TECPR2: variants seen among roughly 807,000 people sequenced by gnomAD.
TECPR2 encodes tectonin beta-propeller repeat-containing protein 2.
TECPR2 carries 65 observed loss-of-function variants against 138.1 expected under a neutral mutation model. The observed-to-expected ratio is 0.47, with a 90% CI of 0.39 to 0.58. TECPR2 has a LOEUF of 0.58. Among genes scored for constraint, TECPR2 ranks in the 20% least tolerant of loss-of-function variants. TECPR2 has a pLI of 0.00. For missense variants in TECPR2, 1,553 were observed against 1,824.5 expected (o/e 0.85, Z 2.71); for synonymous variants, 746 against 749.8 (o/e 0.99, Z 0.08).
intron 17 of TECPR2, among the ~76,000 whole-genome samples, chr14:102,489,912 T>G: frequency 6.6e-6 from 1 of 151,722 alleles, no homozygotes; most frequent in East Asian, 1.9e-4. Context: ...GGAGTTCTTT[T>G]GCCTCCAAAG....
At position 102,431,859 on chromosome 14, in the gene TECPR2, T is replaced by G; in HGVS notation, c.1148T>G (p.Leu383Arg). Residue 383 changes from leucine to arginine, a missense_variant, in exon 8 of 20, where the codon CTG becomes CGG. By Grantham distance (102) the Leu-to-Arg change is moderately radical. Coordinates refer to ENST00000359520, the MANE Select transcript of TECPR2 (RefSeq NM_014844.5). ...ERVHVQQAEK[L>R]PGATVSETRL... ...GTCCACGTGCAGCAAGCGGAGAAGC[T>G]GCCAGGGGCCACAGTTTCTGAGACG... 8 of 1,601,144 alleles carry G rather than the reference T, an allele frequency of 5.0e-6. No homozygotes were observed. The highest frequency in any genetic ancestry group is 6.8e-6 in the Non-Finnish European group (8 of 1,169,404).
intron 2 of TECPR2, among the ~76,000 whole-genome samples, chr14:102,401,299 T>C (rs1407748930): frequency 6.6e-6 from 1 of 151,096 alleles, no homozygotes; most frequent in African/African-American, 2.4e-5. Flanking sequence ...ATTAGCTGGG[T>C]GTAGTGGTGC....
chr14:102,426,014 A>G (rs1189971096), intron 6 of TECPR2, among the ~76,000 whole-genome samples: 2 of 149,624 alleles, frequency 1.3e-5, no homozygotes, highest in African/African-American at 2.5e-5. Context: ...CCTCCCAAGT[A>G]GCTGGGATTA....
chr14:102,367,168 T>A (rs1054907438), intron 1 of TECPR2, among the ~76,000 whole-genome samples: 3 of 152,142 alleles, frequency 2.0e-5, no homozygotes, highest in Non-Finnish European at 4.4e-5. Context: ...GGGCAACCAG[T>A]GAGGAGTTTT....
At chr14:102,450,470 G>C (rs1890109140) in intron 14 of TECPR2, 90 bp from the exon 15 acceptor site, 1 of 1,280,540 alleles carries the variant, frequency 7.8e-7, no homozygotes, top group South Asian at 1.3e-5. Flanking sequence ...GAAAGGGTTT[G>C]AAGGCCAGCT....
chr14:102,465,401 G>C, intron 17 of TECPR2, 112 bp downstream of exon 17: 1 of 1,468,174 alleles, frequency 6.8e-7, no homozygotes, highest in Non-Finnish European at 9.0e-7. Flanking sequence ...CAGCAAATGC[G>C]GGGAGCCATG....
rs1889381426 is a variant in TECPR2 at position 102,428,239 on chromosome 14, T to G, written c.952-11T>G. ...TGTTTTTTGTTTTTTTTTTTTTTTT[T>G]TTTTTGACAGGCCACAGTTGCTGGT... is the stretch of plus-strand genomic sequence containing the variant. On this transcript the variant is annotated splice_polypyrimidine_tract_variant and intron_variant, in intron 6 of 19. Coordinates refer to ENST00000359520, the MANE Select transcript of TECPR2 (RefSeq NM_014844.5). 1 of 1,404,582 alleles carries G rather than the reference T, an allele frequency of 7.1e-7. No individual in the cohort carries two copies. Among genetic ancestry groups the G allele is most frequent in the Admixed American group, 3.3e-5 (1 of 30,386 alleles). The allele number at this position is 1,404,582 out of a possible 1,614,324, so 87.0% of individuals were successfully genotyped here. A position where few individuals can be genotyped will look rare whatever the true frequency, so the allele number is the denominator to read the frequency against.
At chr14:102,375,431 A>G (rs1184802472) in intron 1 of TECPR2, among the ~76,000 whole-genome samples, 1 of 152,168 alleles carries the variant, frequency 6.6e-6, no homozygotes. Context: ...AGGAGAAATC[A>G]AGTACGGCCT....
chr14:102,407,243 G>A, intron 2 of TECPR2, 95 bp from the exon 3 acceptor site: 1 of 1,444,984 alleles, frequency 6.9e-7, no homozygotes, highest in East Asian at 2.5e-5. Context: ...ACTGCAGCCT[G>A]ATGAAGTTTT....
At chr14:102,492,086 A>G (rs1891171495) in intron 17 of TECPR2, among the ~76,000 whole-genome samples, 1 of 152,218 alleles carries the variant, frequency 6.6e-6, no homozygotes, top group African/African-American at 2.4e-5. Flanking sequence ...ACCTGGAAAG[A>G]TGTGTCCAGA....
intron 1 of TECPR2, among the ~76,000 whole-genome samples, chr14:102,373,196 T>C (rs1887552870): frequency 6.6e-6 from 1 of 151,862 alleles, no homozygotes; most frequent in African/African-American, 2.4e-5. Context: ...TTGTTTTTTT[T>C]TTCTTTCTTT....
At chr14:102,488,497 G>A (rs886531428) in intron 17 of TECPR2, among the ~76,000 whole-genome samples, 1 of 151,516 alleles carries the variant, frequency 6.6e-6, no homozygotes, top group East Asian at 1.9e-4. Flanking sequence ...CCCCCACCAC[G>A]TCCGGCTAAT....
intron 10 of TECPR2, 30 bp downstream of exon 10, chr14:102,438,235 C>T (rs956707493): frequency 3.6e-6 from 4 of 1,104,914 alleles, no homozygotes; most frequent in Non-Finnish European, 3.9e-6. Context: ...GCTCCCGCTC[C>T]CTGCTCCCGC....
intron 5 of TECPR2, among the ~76,000 whole-genome samples, chr14:102,417,782 C>G (rs1230813993): frequency 7.4e-6 from 1 of 134,298 alleles, no homozygotes; most frequent in African/African-American, 3.0e-5. Context: ...AGGGGAGCTG[C>G]GAGGAGGCTG....
chr14:102,489,436 G>A (rs915043889), intron 17 of TECPR2, among the ~76,000 whole-genome samples: 3 of 151,890 alleles, frequency 2.0e-5, no homozygotes, highest in South Asian at 2.1e-4. Flanking sequence ...GGCCAAAATG[G>A]TGAAACCCTG....
intron 17 of TECPR2, among the ~76,000 whole-genome samples, chr14:102,483,465 G>A (rs1412071724): frequency 2.0e-4 from 3 of 14,650 alleles, no homozygotes; most frequent in South Asian, 7.2e-3. Context: ...TTTTTGAGAC[G>A]GTCTCTCACT....
Position 102,434,447 on chromosome 14 carries a change from C to T in TECPR2, c.1630C>T (p.Pro544Ser). 1.3e-6 allele frequency: 2 copies of T among 1,538,334 alleles called. No individual in the cohort carries two copies. Among genetic ancestry groups the T allele is most frequent in the Non-Finnish European group, 1.7e-6 (2 of 1,144,272 alleles). ...VNGVPQENTD[P>S]ETFNVLEVSG... ...CGGTGTCCCACAGGAAAATACTGAC[C>T]CCGAAACGTTTAATGTCCTGGAGGT... is the stretch of plus-strand genomic sequence containing the variant. The change falls in exon 9 of 20, where the codon CCC (proline) becomes TCC (serine). Residue 544 changes from proline (P) to serine (S), a missense_variant. Transcript: ENST00000359520.
Position 102,424,959 on chromosome 14 carries a change from T to G in TECPR2, c.639-20T>G. 1.3e-6 allele frequency: 2 copies of G among 1,591,840 alleles called. No individual in the cohort carries two copies. Among genetic ancestry groups the G allele is most frequent in the Non-Finnish European group, 1.7e-6 (2 of 1,167,078 alleles). On this transcript the variant is annotated intron_variant, in intron 5 of 19. Coordinates refer to ENST00000359520, the MANE Select transcript of TECPR2 (RefSeq NM_014844.5). Reference sequence around the variant, plus strand: ...GTCCATGTCTGTTTTTTGTTCTTTCTTTCTTTCTTCTAATTTTAGTACTGG... The same window carrying G: ...GTCCATGTCTGTTTTTTGTTCTTTCGTTCTTTCTTCTAATTTTAGTACTGG...
In TECPR2 at chr14:102,448,903, T is replaced by A. The variant is rs560888041; in HGVS notation, c.3076-726T>A. ...AGTTCATCACTCTACTTGTGATACC[T>A]TTTTAGATGCATATTATGTTTCTAA... On this transcript the variant is annotated intron_variant, in intron 13 of 19. Transcript: ENST00000359520. Among the ~76,000 whole-genome samples, 31 of 152,178 alleles carry A rather than the reference T, an allele frequency of 2.0e-4. No individual in the cohort carries two copies. The South Asian group carries it at 6.4e-3, about 32-fold the overall frequency.
Sources: allele counts gnomAD v4.1 joint callset (sites outside exome capture counted in the v4.1 genomes callset), GRCh38; gene constraint gnomAD v4.1.1; transcripts MANE v1.5; gene names NCBI Gene and HGNC (gene_info 2026-07-23, HGNC 2026-07-21).